Variants in MAP4 observed in about 807,000 individuals in gnomAD.
MAP4 encodes microtubule-associated protein 4.
In MAP4, 76 loss-of-function variants were observed where a neutral mutation model predicts 170.2. That is an observed-to-expected ratio of 0.45 (90% CI 0.37 to 0.54). The LOEUF is 0.54. Among genes scored for constraint, MAP4 ranks in the 20% least tolerant of loss-of-function variants. The pLI is 0.00. For missense variants in MAP4, 2,506 were observed against 2,748.0 expected, an observed-to-expected ratio of 0.91 and a Z score of 1.97; for synonymous variants, 909 against 994.5, an observed-to-expected ratio of 0.91 and a Z score of 1.62.
chr3:48,056,985 G>C (rs1478708672), intron 1 of MAP4, among the ~76,000 whole-genome samples: 1 of 125,270 alleles, frequency 8.0e-6, no homozygotes, highest in Non-Finnish European at 1.7e-5. Context: ...GAGGGAGGTG[G>C]GGGGGGTCAG....
At chr3:48,073,625 A>G (rs1346074420) in intron 1 of MAP4, among the ~76,000 whole-genome samples, 1 of 151,724 alleles carries the variant, frequency 6.6e-6, no homozygotes, top group African/African-American at 2.4e-5. Flanking sequence ...AAAAAAAAAG[A>G]AGAAAAAAAA....
At chr3:47,925,881 A>T (rs981699561) in intron 4 of MAP4, among the ~76,000 whole-genome samples, 2 of 152,172 alleles carry the variant, frequency 1.3e-5, no homozygotes, top group Non-Finnish European at 2.9e-5. Flanking sequence ...TTGGAGACAG[A>T]GTTTCGCTCG....
intron 3 of MAP4, among the ~76,000 whole-genome samples, chr3:47,931,332 G>C (rs2153833432): frequency 6.6e-6 from 1 of 152,212 alleles, no homozygotes; most frequent in East Asian, 1.9e-4. Flanking sequence ...AGTCACCTGT[G>C]ATCACACTAC....
chr3:48,074,725 T>TGTGTGTGTGTGTGTGTGTGTGTGG (rs756153345), intron 1 of MAP4, among the ~76,000 whole-genome samples: 3 of 147,336 alleles, frequency 2.0e-5, no homozygotes, highest in East Asian at 2.0e-4. Flanking sequence ...TGTGTGTGTG[T>TGTGTGTGTGTGTGTGTGTGTGTGG]GATATGTCGG....
At position 47,947,578 on chromosome 3, in the gene MAP4, C is replaced by T. The variant is rs547301521; in HGVS notation, c.293-19228G>A. On this transcript the variant is annotated intron_variant, in intron 3 of 20. Coordinates refer to ENST00000683076, the MANE Select transcript of MAP4 (RefSeq NM_001385682.1). The stretch of plus-strand genomic sequence containing the variant: ...CTGTAATCCCACCACTTTGGGAGGC[C>T]GAGGAGGGCAAACTGCCTGAGCTCA... Among the ~76,000 whole-genome samples the T allele has an allele frequency of 6.6e-5, 10 of 151,984 alleles. No individual in the cohort carries two copies. In the East Asian group the frequency reaches 1.9e-3, roughly 29 times the overall value.
rs185450591 is a variant in MAP4 at position 48,082,532 on chromosome 3, T to C, written c.-20+6241A>G. ...AGTTATCAAAGTTAACAAGGCACAATGGCTCATGCCTGCTATCCTAGCATT... is the reference window on the plus strand; with the variant it reads ...AGTTATCAAAGTTAACAAGGCACAACGGCTCATGCCTGCTATCCTAGCATT... On this transcript the variant is annotated intron_variant, in intron 1 of 18. Coordinates refer to the MAP4 transcript ENST00000360240. Among the ~76,000 whole-genome samples, 8 of 152,344 alleles carry C rather than the reference T, an allele frequency of 5.3e-5. No individual in the cohort carries two copies. The East Asian group carries it at 1.5e-3, about 29-fold the overall frequency.
At position 47,852,682 on chromosome 3, in the gene MAP4, G is replaced by T; in HGVS notation, c.*252C>A. On this transcript the variant is annotated 3_prime_UTR_variant, in exon 21 of 21. Coordinates refer to ENST00000683076, the MANE Select transcript of MAP4 (RefSeq NM_001385682.1). The stretch of plus-strand genomic sequence containing the variant: ...CAAAGCAGGGAGATGGGCCCAGGCT[G>T]GGGAGTGAGAGGAGGTGTGGGGCAG... The T allele has an allele frequency of 7.2e-7, 1 of 1,392,606 alleles. No homozygotes were observed. Among genetic ancestry groups the T allele is most frequent in the Non-Finnish European group, 9.6e-7 (1 of 1,041,706 alleles). 86.3% of individuals were successfully genotyped at this position (1,392,606 alleles called of 1,614,324 possible). A position where few individuals can be genotyped will look rare whatever the true frequency, so the allele number is the denominator to read the frequency against.
chr3:47,853,774 G>A (rs1041773198), intron 19 of MAP4, among the ~76,000 whole-genome samples: 1 of 152,176 alleles, frequency 6.6e-6, no homozygotes, highest in Non-Finnish European at 1.5e-5. Flanking sequence ...ACACAGAGTG[G>A]GGTCCTCAGT....
At chr3:48,049,993 C>G (rs1017688268) in intron 1 of MAP4, among the ~76,000 whole-genome samples, 1 of 151,376 alleles carries the variant, frequency 6.6e-6, no homozygotes, top group African/African-American at 2.4e-5. Context: ...GGTGCAGTGG[C>G]CCATACCTGT....
chr3:47,959,107 TAA>T (rs1009121637), intron 3 of MAP4, among the ~76,000 whole-genome samples: 3 of 141,632 alleles, frequency 2.1e-5, no homozygotes, highest in Non-Finnish European at 1.6e-5. Context: ...AAGTGTGCAG[TAA>T]AAAAAAAAAA....
intron 10 of MAP4, among the ~76,000 whole-genome samples, chr3:47,898,661 G>A (rs998309695): frequency 1.1e-4 from 16 of 152,148 alleles, no homozygotes; most frequent in African/African-American, 2.9e-4. Flanking sequence ...TAAAACTCAA[G>A]AAAGACTGGG....
intron 10 of MAP4, among the ~76,000 whole-genome samples, chr3:47,883,080 G>C (rs570365721): frequency 1.3e-5 from 2 of 152,144 alleles, no homozygotes; most frequent in Admixed American, 1.3e-4. Context: ...AAAAGTGGTG[G>C]GATTACAGGT....
In MAP4 at chr3:47,926,020, A is replaced by AT. The variant is rs577670898; in HGVS notation, c.415+2207dup. Reference sequence around the variant, plus strand: ...CAGGCGTGCACCACCATGCCTGGCTATTTTTTTATATTTTTAGTAGAGATG... The same window carrying AT: ...CAGGCGTGCACCACCATGCCTGGCTATTTTTTTTATATTTTTAGTAGAGATG... On this transcript the variant is annotated intron_variant, in intron 4 of 20. Transcript: ENST00000683076. Among the ~76,000 whole-genome samples, 39 of 140,046 alleles carry AT rather than the reference A, an allele frequency of 2.8e-4. 1 individual carries two copies. The South Asian group carries it at 6.7e-3, about 24-fold the overall frequency. The allele number at this position is 140,046 out of a possible 152,430, so 91.9% of individuals were successfully genotyped here.
At chr3:47,955,339 GA>G (rs1348622032) in intron 3 of MAP4, among the ~76,000 whole-genome samples, 2 of 151,732 alleles carry the variant, frequency 1.3e-5, no homozygotes, top group African/African-American at 4.8e-5. Context: ...ACGTGCCTAT[GA>G]ATCTAGCCTC....
At chr3:47,864,504 G>A (rs1398004110) in intron 17 of MAP4, among the ~76,000 whole-genome samples, 1 of 152,044 alleles carries the variant, frequency 6.6e-6, no homozygotes, top group African/African-American at 2.4e-5. Flanking sequence ...GTGAAACCCC[G>A]TCTCTACTAA....
At chr3:48,056,419 G>A (rs1274978118) in intron 1 of MAP4, among the ~76,000 whole-genome samples, 35 of 78,888 alleles carry the variant, frequency 4.4e-4, no homozygotes, top group African/African-American at 1.7e-3. Flanking sequence ...CCGGCCAGCC[G>A]CCCCGTCCGG....
chr3:48,035,611 G>C (rs2100118425), intron 1 of MAP4, among the ~76,000 whole-genome samples: 1 of 151,962 alleles, frequency 6.6e-6, no homozygotes, highest in African/African-American at 2.4e-5. Flanking sequence ...TCACTCAACA[G>C]AGTGAGATCC....
intron 1 of MAP4, among the ~76,000 whole-genome samples, chr3:48,029,050 G>A (rs1249374566): frequency 6.6e-6 from 1 of 151,494 alleles, no homozygotes; most frequent in Non-Finnish European, 1.5e-5. Flanking sequence ...GGAGGCTGAG[G>A]TGTGAGGATC....
chr3:48,056,173 G>GC (rs1178407898), intron 1 of MAP4, among the ~76,000 whole-genome samples: 4 of 124,198 alleles, frequency 3.2e-5, no homozygotes, highest in African/African-American at 5.6e-5. Context: ...TGGGGGGTCA[G>GC]CCCCCCCGCC....
Sources: gnomAD v4.1 joint callset for allele counts (sites outside exome capture counted in the v4.1 genomes callset) on GRCh38, gnomAD v4.1.1 for gene constraint, MANE v1.5 for transcripts, NCBI Gene and HGNC (gene_info 2026-07-23, HGNC 2026-07-21) for gene names.